PTPRD: variants seen among roughly 807,000 people sequenced by gnomAD.
The protein encoded by PTPRD is protein tyrosine phosphatase receptor type D.
PTPRD carries 34 observed loss-of-function variants against 214.5 expected under a neutral mutation model. That is an observed-to-expected ratio of 0.16 (90% CI 0.12 to 0.21). The LOEUF is 0.21. Among genes scored for constraint, PTPRD ranks in the 10% least tolerant of loss-of-function variants. The probability of loss-of-function intolerance (pLI) is 1.00; values close to 1 mark genes in which losing one functional copy is unlikely to be tolerated. For missense variants in PTPRD, 2,545 were observed against 2,398.7 expected (o/e 1.06, Z -1.27); for synonymous variants, 1,128 against 845.7 (o/e 1.33, Z -5.79).
intron 39 of PTPRD, among the ~76,000 whole-genome samples, chr9:8,373,599 T>C (rs1033355301): frequency 1.3e-5 from 2 of 149,626 alleles, no homozygotes; most frequent in African/African-American, 4.9e-5. Flanking sequence ...TGGCTTAACA[T>C]AACATGGATG....
intron 9 of PTPRD, among the ~76,000 whole-genome samples, chr9:9,213,292 G>T (rs2132955224): frequency 6.6e-6 from 1 of 152,216 alleles, no homozygotes; most frequent in African/African-American, 2.4e-5. Flanking sequence ...GGGAGTGTTG[G>T]GGGACTTTGA....
At chr9:8,823,208 AC>A (rs1193413800) in intron 11 of PTPRD, among the ~76,000 whole-genome samples, 3 of 151,552 alleles carry the variant, frequency 2.0e-5, no homozygotes, top group African/African-American at 7.3e-5. Flanking sequence ...TAGAAGTTTC[AC>A]CCCCTTTGCC....
intron 5 of PTPRD, among the ~76,000 whole-genome samples, chr9:9,839,887 T>C (rs1046986317): frequency 1.3e-5 from 2 of 152,064 alleles, no homozygotes; most frequent in African/African-American, 2.4e-5. Flanking sequence ...CTAATATTTA[T>C]TTAAACATAT....
At position 10,105,995 on chromosome 9, in the gene PTPRD, C is replaced by A. The variant is rs1164500002; in HGVS notation, c.-544-72205G>T. ...AAAGAGACAAAACAAGAACAAGAAT[C>A]CTGATCTATCACATATTCAAAAAAA... On this transcript the variant is annotated intron_variant, in intron 3 of 45. Coordinates refer to ENST00000381196, the MANE Select transcript of PTPRD (RefSeq NM_002839.4). Among the ~76,000 whole-genome samples the A allele has an allele frequency of 4.9e-5, 6 of 122,956 alleles. No homozygotes were observed. In the East Asian group the frequency reaches 1.4e-3, roughly 28 times the overall value. The allele number at this position is 122,956 out of a possible 152,430, so 80.7% of individuals were successfully genotyped here. A position where few individuals can be genotyped will look rare whatever the true frequency, so the allele number is the denominator to read the frequency against.
intron 9 of PTPRD, among the ~76,000 whole-genome samples, chr9:9,390,139 A>G (rs1418390914): frequency 3.9e-5 from 6 of 152,116 alleles, no homozygotes; most frequent in African/African-American, 9.7e-5. Flanking sequence ...CTCCAGCCTG[A>G]CATTGGTTGG....
In PTPRD at chr9:10,513,884, T is replaced by G. The variant is rs368501524; in HGVS notation, c.-600+98514A>C. The stretch of plus-strand genomic sequence containing the variant: ...CCTCCTGACTGAAAAATGAGCAAGA[T>G]ACCAGGATGAGCCATGGTATTCTCA... On this transcript the variant is annotated intron_variant, in intron 2 of 45. Transcript: ENST00000381196. Among the ~76,000 whole-genome samples, 20 of 152,226 alleles carry G rather than the reference T, an allele frequency of 1.3e-4. No homozygotes were observed. The East Asian group carries it at 3.7e-3, about 28-fold the overall frequency.
intron 6 of PTPRD, among the ~76,000 whole-genome samples, chr9:9,765,346 C>T (rs758151843): frequency 9.2e-5 from 14 of 152,064 alleles, no homozygotes; most frequent in Admixed American, 2.6e-4. Flanking sequence ...CCAAGCATTA[C>T]GTTTGCATGA....
chr9:10,329,038 A>T (rs868737022), intron 3 of PTPRD, among the ~76,000 whole-genome samples: 1 of 151,694 alleles, frequency 6.6e-6, no homozygotes, highest in East Asian at 1.9e-4. Context: ...TACTAATCTC[A>T]CTACTATTTT....
At chr9:9,864,813 C>A (rs550174534) in intron 5 of PTPRD, among the ~76,000 whole-genome samples, 1 of 152,086 alleles carries the variant, frequency 6.6e-6, no homozygotes, top group Non-Finnish European at 1.5e-5. Flanking sequence ...CAGCCCCAAC[C>A]CAGCTTCTGT....
chr9:9,884,334 A>G (rs1188335138), intron 5 of PTPRD, among the ~76,000 whole-genome samples: 7 of 152,110 alleles, frequency 4.6e-5, no homozygotes, highest in Non-Finnish European at 2.9e-5. Context: ...TTCCTACCCT[A>G]AAAGCAAGAA....
rs142019667 is a variant in PTPRD at position 8,997,552 on chromosome 9, G to A, written c.-104+21145C>T. ...GTGCGTTCTGAATGCTCCACCAACC[G>A]GCCATTCTCCCATCTCTCTGCCTCT... On this transcript the variant is annotated intron_variant, in intron 11 of 45. Transcript: ENST00000381196. Among the ~76,000 whole-genome samples the A allele has an allele frequency of 8.2e-3, 1,244 of 151,974 alleles. 18 individuals are homozygous for A. The highest frequency in any genetic ancestry group is 0.028 in the African/African-American group (1,169 of 41,464).
At chr9:8,741,054 T>C (rs901444649) in intron 11 of PTPRD, among the ~76,000 whole-genome samples, 1 of 152,230 alleles carries the variant, frequency 6.6e-6, no homozygotes, top group Non-Finnish European at 1.5e-5. Flanking sequence ...TTATTATTGA[T>C]GCATCCCTGT....
chr9:8,987,246 C>T (rs1043205394), intron 11 of PTPRD, among the ~76,000 whole-genome samples: 1 of 151,900 alleles, frequency 6.6e-6, no homozygotes, highest in African/African-American at 2.4e-5. Context: ...GACGATTGGC[C>T]AGGGTGAAAG....
chr9:9,923,505 A>T (rs918643131), intron 5 of PTPRD, among the ~76,000 whole-genome samples: 1 of 151,888 alleles, frequency 6.6e-6, no homozygotes, highest in Non-Finnish European at 1.5e-5. Context: ...CGATCTCCAA[A>T]CGAAATCAGT....
chr9:10,594,340 C>T (rs1180037905), intron 2 of PTPRD, among the ~76,000 whole-genome samples: 3 of 151,846 alleles, frequency 2.0e-5, no homozygotes, highest in African/African-American at 7.3e-5. Flanking sequence ...ACTAGAAGTG[C>T]CCTTTTATAT....
chr9:8,460,164 G>A lies in PTPRD; in HGVS notation c.3875+247C>T, dbSNP rs2096352784. ...GTGCTTATCTGCATAAAGCAGCTCAGAAGATTGGAGGCCAGAATAGATGCA... is the reference window on the plus strand; with the variant it reads ...GTGCTTATCTGCATAAAGCAGCTCAAAAGATTGGAGGCCAGAATAGATGCA... On this transcript the variant is annotated intron_variant, in intron 33 of 45. Coordinates refer to ENST00000381196, the MANE Select transcript of PTPRD (RefSeq NM_002839.4). 7 of 517,550 alleles carry A rather than the reference G, an allele frequency of 1.4e-5. No homozygotes were observed. In the South Asian group the frequency reaches 1.5e-4, roughly 11 times the overall value. The allele number at this position is 517,550 out of a possible 1,614,324, so 32.1% of individuals were successfully genotyped here.
chr9:9,579,762 C>G (rs961847758), intron 7 of PTPRD, among the ~76,000 whole-genome samples: 1 of 152,116 alleles, frequency 6.6e-6, no homozygotes, highest in Admixed American at 6.6e-5. Context: ...GCATATATCA[C>G]ATAGTGGTGA....
intron 12 of PTPRD, among the ~76,000 whole-genome samples, chr9:8,689,671 T>C (rs1373382284): frequency 6.6e-6 from 1 of 152,032 alleles, no homozygotes; most frequent in Admixed American, 6.5e-5. Context: ...ATTATAGGAG[T>C]ACAATTCAAG....
intron 11 of PTPRD, among the ~76,000 whole-genome samples, chr9:8,801,455 G>C (rs906594085): frequency 6.6e-6 from 1 of 152,152 alleles, no homozygotes; most frequent in Admixed American, 6.5e-5. Context: ...AGTGGCTCAC[G>C]CCTGTAATCT....
Sources: gnomAD v4.1 joint callset for allele counts (sites outside exome capture counted in the v4.1 genomes callset) on GRCh38, gnomAD v4.1.1 for gene constraint, MANE v1.5 for transcripts, NCBI Gene and HGNC (gene_info 2026-07-23, HGNC 2026-07-21) for gene names.